ELOC: variants seen among roughly 807,000 people sequenced by gnomAD.
ELOC encodes the protein elongin-C.
For synonymous variants in ELOC, 40 were observed against 51.3 expected (o/e 0.78, Z 0.94); for missense variants, 38 against 139.0 (o/e 0.27, Z 3.65).
At chr8:73,952,286 C>A (rs181143534) in intron 3 of ELOC, among the ~76,000 whole-genome samples, 1 of 152,046 alleles carries the variant, frequency 6.6e-6, no homozygotes, top group Non-Finnish European at 1.5e-5. Context: ...CACCTGTAAT[C>A]CCAGCTATTC....
In ELOC at chr8:73,946,693, T is replaced by C; in HGVS notation, c.276A>G (p.Glu92=). ...GTGCAATTTCAGGTGCAATTGGGAA[T>C]TCAGGAATCTCGGTGGAGCTGTTAG... The part of the protein sequence containing the change: ...RYTNSSTEIP[E]FPIAPEIALE... Residue 92 remains glutamate (E), a synonymous_variant, in exon 4 of 4, where the codon GAA becomes GAG. Transcript: ENST00000520242. 6.2e-7 allele frequency: 1 copy of C among 1,612,896 alleles called. No homozygotes were observed. The highest frequency in any genetic ancestry group is 8.5e-7 in the Non-Finnish European group (1 of 1,179,596).
At chr8:73,947,811 G>A (rs903482662) in intron 3 of ELOC, among the ~76,000 whole-genome samples, 4 of 152,056 alleles carry the variant, frequency 2.6e-5, no homozygotes, top group African/African-American at 7.2e-5. Context: ...CTGGACTCAA[G>A]TGATCCCCCT....
At chr8:73,954,292 G>A (rs577180451) in intron 3 of ELOC, among the ~76,000 whole-genome samples, 83 of 152,244 alleles carry the variant, frequency 5.5e-4, no homozygotes, top group African/African-American at 1.8e-3. Flanking sequence ...TGCAGTAAAC[G>A]CCACTAAATT....
intron 3 of ELOC, among the ~76,000 whole-genome samples, chr8:73,954,058 A>G (rs1482310930): frequency 6.6e-6 from 1 of 152,246 alleles, no homozygotes; most frequent in Non-Finnish European, 1.5e-5. Flanking sequence ...GAACCTTGAA[A>G]ACATGAAAAA....
At chr8:73,962,675 G>T (rs1814686045) in intron 1 of ELOC, among the ~76,000 whole-genome samples, 1 of 152,128 alleles carries the variant, frequency 6.6e-6, no homozygotes, top group South Asian at 2.1e-4. Context: ...CATTTAGGAT[G>T]TTTATCTAAC....
chr8:73,948,835 ACAAGCAAGCAAGCAAG>A (rs149713108), intron 3 of ELOC, among the ~76,000 whole-genome samples: 69 of 150,378 alleles, frequency 4.6e-4, no homozygotes, highest in South Asian at 1.5e-3. Context: ...CCTGTCACTC[ACAAGCAAGCAAGCAAG>A]CAAGCAAGCA....
In ELOC at chr8:73,964,628, G is replaced by C. The variant is rs1021384447; in HGVS notation, c.-50-4810C>G. 2.0e-5 allele frequency: 3 copies of C among 152,036 alleles called. No homozygotes were observed. The South Asian group carries it at 6.2e-4, about 32-fold the overall frequency. 9.4% of individuals were successfully genotyped at this position (152,036 alleles called of 1,614,324 possible). On this transcript the variant is annotated intron_variant, in intron 1 of 3. Transcript: ENST00000520242. ...AGCCTGGGCCACACAGCAAGACTCT[G>C]TCTCAAAAAACAAAACAAAAATCTC...
chr8:73,946,846 T>C (rs757612328), intron 3 of ELOC, 26 bp from the exon 4 acceptor site: 8 of 1,591,198 alleles, frequency 5.0e-6, no homozygotes, highest in Non-Finnish European at 6.0e-6. Context: ...ATTATGTATG[T>C]TATTGGCTGA....
At chr8:73,969,990 A>G (rs1302560573) in intron 1 of ELOC, among the ~76,000 whole-genome samples, 1 of 152,248 alleles carries the variant, frequency 6.6e-6, no homozygotes, top group Non-Finnish European at 1.5e-5. Flanking sequence ...GCATTAACAC[A>G]TAAATATGAC....
chr8:73,968,177 G>A (rs746550337), intron 1 of ELOC, among the ~76,000 whole-genome samples: 23 of 152,032 alleles, frequency 1.5e-4, no homozygotes, highest in Non-Finnish European at 3.2e-4. Flanking sequence ...CTTGAGACTC[G>A]GATAAATTAA....
At chr8:73,970,105 C>T (rs2131203528) in intron 1 of ELOC, among the ~76,000 whole-genome samples, 1 of 152,182 alleles carries the variant, frequency 6.6e-6, no homozygotes, top group Non-Finnish European at 1.5e-5. Flanking sequence ...AGCTAGGTGT[C>T]GTGGTGGGCA....
chr8:73,953,714 T>C (rs1409736815), intron 3 of ELOC, among the ~76,000 whole-genome samples: 1 of 151,100 alleles, frequency 6.6e-6, no homozygotes, highest in Non-Finnish European at 1.5e-5. Context: ...CCAAGATGTA[T>C]ACAAACTGGA....
chr8:73,954,342 T>C (rs79696746), intron 3 of ELOC, among the ~76,000 whole-genome samples: 3,142 of 152,336 alleles, frequency 0.021, 54 homozygotes, highest in Admixed American at 0.038. Flanking sequence ...ATGTGAATTT[T>C]ACTTCAAGAA....
chr8:73,964,805 T>C (rs1482396943), intron 1 of ELOC, among the ~76,000 whole-genome samples: 1 of 152,004 alleles, frequency 6.6e-6, no homozygotes, highest in Non-Finnish European at 1.5e-5. Context: ...AAGCTGACTG[T>C]TTGAACCCAG....
intron 3 of ELOC, among the ~76,000 whole-genome samples, chr8:73,952,322 TGAGGGTGCAGTGAGGTG>T (rs1292644442): frequency 4.0e-5 from 6 of 151,404 alleles, no homozygotes; most frequent in East Asian, 1.9e-4. Context: ...GAGAATCGGT[TGAGGGTGCAGTGAGGTG>T]GAGGGTGCAG....
chr8:73,947,178 G>A (rs1370758599), intron 3 of ELOC, among the ~76,000 whole-genome samples: 4 of 151,998 alleles, frequency 2.6e-5, no homozygotes, highest in Non-Finnish European at 5.9e-5. Context: ...TAGTAGAGAC[G>A]GGGTTTCACC....
In ELOC at chr8:73,950,678, G is replaced by C. The variant is rs78136402; in HGVS notation, c.149-3858C>G. On this transcript the variant is annotated intron_variant, in intron 3 of 3. Coordinates refer to ENST00000520242, the MANE Select transcript of ELOC (RefSeq NM_005648.4). ...CAAGCTTGACACTGCTAAAAGACATGATAGAACAGGAATACAAGAGTGCTA... is the reference window on the plus strand; with the variant it reads ...CAAGCTTGACACTGCTAAAAGACATCATAGAACAGGAATACAAGAGTGCTA... Among the ~76,000 whole-genome samples the C allele has an allele frequency of 6.4e-3, 978 of 152,268 alleles. 10 individuals are homozygous for C. The highest frequency in any genetic ancestry group is 0.023 in the African/African-American group (941 of 41,548).
Position 73,953,882 on chromosome 8 carries a change from T to C in ELOC, c.148+2029A>G, listed in dbSNP as rs752276227. Among the ~76,000 whole-genome samples the C allele has an allele frequency of 1.6e-4, 25 of 152,182 alleles. 1 individual carries two copies. Among genetic ancestry groups the C allele is most frequent in the Non-Finnish European group, 1.5e-5 (1 of 68,032 alleles). On this transcript the variant is annotated intron_variant, in intron 3 of 3. Transcript: ENST00000520242. ...TCAAAGCAGGTATTCAAACAATTAT[T>C]TGTACACAAGTGTTCACAGAACTAT...
In ELOC at chr8:73,959,803, G is replaced by T. The variant is rs1267298145; in HGVS notation, c.-35C>A. On this transcript the variant is annotated 5_prime_UTR_variant, in exon 2 of 4. Coordinates refer to ENST00000520242, the MANE Select transcript of ELOC (RefSeq NM_005648.4). The stretch of plus-strand genomic sequence containing the variant: ...ATGAAATTCTACTTTGCTTCCCCAG[G>T]AACTTTAGTAGTTTCCTGAAAATAT... The T allele has an allele frequency of 6.5e-7, 1 of 1,535,542 alleles. No homozygotes were observed. Among genetic ancestry groups the T allele is most frequent in the Non-Finnish European group, 8.8e-7 (1 of 1,140,814 alleles).
Sources: allele counts gnomAD v4.1 joint callset (sites outside exome capture counted in the v4.1 genomes callset), GRCh38; gene constraint gnomAD v4.1.1; transcripts MANE v1.5; gene names NCBI Gene and HGNC (gene_info 2026-07-23, HGNC 2026-07-21).